Variants in NUDT1 observed in about 807,000 individuals in gnomAD.
NUDT1 encodes oxidized purine nucleoside triphosphate hydrolase.
Under a neutral mutation model 11.3 loss-of-function variants are expected in NUDT1, and 16 were observed. That is an observed-to-expected ratio of 1.41 (90% confidence interval 0.96 to 2.15). The LOEUF is 2.15. Ranked by LOEUF, NUDT1 falls within the 30% of genes most tolerant of loss-of-function variation. NUDT1 has a pLI of 0.00. For synonymous variants in NUDT1, 101 were observed against 84.4 expected, an observed-to-expected ratio of 1.20 and a Z score of -1.08; for missense variants, 234 against 208.4, an observed-to-expected ratio of 1.12 and a Z score of -0.76.
chr7:2,244,781 C>G (rs34185397), intron 2 of NUDT1, 55 bp downstream of exon 2: 307,202 of 1,566,634 alleles, frequency 0.2, 31,978 homozygotes, highest in Middle Eastern at 0.29. Context: ...CACAGGGATT[C>G]GGGCTGTAGG....
intron 1 of NUDT1, among the ~76,000 whole-genome samples, chr7:2,243,987 T>A (rs1263891358): frequency 6.6e-6 from 1 of 151,836 alleles, no homozygotes; most frequent in Non-Finnish European, 1.5e-5. Context: ...GGGTATAAAC[T>A]CCTATCACAG....
chr7:2,250,802 G>T, intron 3 of NUDT1, 27 bp from the exon 4 acceptor site: 1 of 1,613,920 alleles, frequency 6.2e-7, no homozygotes, highest in Non-Finnish European at 8.5e-7. Flanking sequence ...TTGCACCTCA[G>T]TGCCTCCTCT....
intron 2 of NUDT1, among the ~76,000 whole-genome samples, chr7:2,245,694 G>A (rs189559982): frequency 8.1e-4 from 123 of 152,232 alleles, no homozygotes; most frequent in African/African-American, 2.8e-3. Flanking sequence ...GAACAGCTGG[G>A]ACCACAGGCA....
At chr7:2,243,241 G>A (rs755905603) in intron 1 of NUDT1, among the ~76,000 whole-genome samples, 1 of 152,172 alleles carries the variant, frequency 6.6e-6, no homozygotes, top group Non-Finnish European at 1.5e-5. Flanking sequence ...GGCACAGGAC[G>A]GGGACGTGGC....
chr7:2,249,599 C>T, intron 2 of NUDT1: 1 of 537,196 alleles, frequency 1.9e-6, no homozygotes, highest in Non-Finnish European at 3.4e-6. Context: ...GTTCCTCCCA[C>T]CAGAGGCTCC....
At position 2,250,890 on chromosome 7, in the gene NUDT1, C is replaced by A. The variant is rs377540407; in HGVS notation, c.360C>A (p.Asp120Glu). The A allele has an allele frequency of 6.8e-6, 11 of 1,614,216 alleles. No individual in the cohort carries two copies. The highest frequency in any genetic ancestry group is 8.5e-6 in the Non-Finnish European group (10 of 1,180,032). Residue 120 changes from aspartate (D) to glutamate (E), a missense_variant, in exon 4 of 4, where the codon GAC (aspartate) becomes GAA (glutamate). Transcript: ENST00000356714. The stretch of plus-strand genomic sequence containing the variant: ...CCTTCAAGGACATGTGGCCCGACGA[C>A]AGCTACTGGTTTCCACTCCTGCTTC... ...QIPFKDMWPD[D>E]SYWFPLLLQK...
chr7:2,248,893 A>T (rs1000588860), intron 2 of NUDT1, among the ~76,000 whole-genome samples: 11 of 152,204 alleles, frequency 7.2e-5, no homozygotes, highest in Non-Finnish European at 1.6e-4. Context: ...TAAGCTATTA[A>T]GGGTTAATGT....
Position 2,244,590 on chromosome 7 carries a change from C to A in NUDT1, c.16C>A (p.Leu6Ile), listed in dbSNP as rs116730877. The change falls in exon 2 of 4, where the codon CTC becomes ATC. Residue 6 changes from leucine (L) to isoleucine (I), a missense_variant. Transcript: ENST00000356714. ...CCCAGGGACCATGGGCGCCTCCAGG[C>A]TCTATACCCTGGTGCTGGTCCTGCA... MGASR[L>I]YTLVLVLQPQ... The A allele has an allele frequency of 6.2e-7, 1 of 1,605,854 alleles. No individual in the cohort carries two copies. Among genetic ancestry groups the A allele is most frequent in the Middle Eastern group, 1.7e-4 (1 of 6,012 alleles).
chr7:2,244,301 G>C (rs865822240), intron 1 of NUDT1, among the ~76,000 whole-genome samples: 1 of 152,112 alleles, frequency 6.6e-6, no homozygotes, highest in Admixed American at 6.5e-5. Context: ...CTGACTTGTG[G>C]AGAAGGAAGG....
Position 2,251,128 on chromosome 7 carries a change from T to A in NUDT1, c.*127T>A. 1 of 872,176 alleles carries A rather than the reference T, an allele frequency of 1.1e-6. No individual in the cohort carries two copies. The allele number at this position is 872,176 out of a possible 1,614,324, so 54.0% of individuals were successfully genotyped here. On this transcript the variant is annotated 3_prime_UTR_variant, in exon 4 of 4. Transcript: ENST00000356714. Reference sequence around the variant, plus strand: ...GGAATTAACTGGATGGAAGGGAAAATAAAGCTATCTAGCGGTGGTTTTTTT... The same window carrying A: ...GGAATTAACTGGATGGAAGGGAAAAAAAAGCTATCTAGCGGTGGTTTTTTT...
chr7:2,249,548 G>A (rs1794896506), intron 2 of NUDT1: 1 of 445,778 alleles, frequency 2.2e-6, no homozygotes, highest in Admixed American at 3.5e-5. Context: ...CACTGGGCCT[G>A]GGCTGTCACT....
chr7:2,242,308 A>G (rs1458407614), intron 1 of NUDT1, 52 bp downstream of exon 1: 3 of 790,972 alleles, frequency 3.8e-6, no homozygotes, highest in Non-Finnish European at 5.7e-6. Flanking sequence ...CAGGGAGGGG[A>G]GCCGGGCCAG....
intron 1 of NUDT1, 98 bp from the exon 2 acceptor site, chr7:2,244,465 C>A: frequency 1.0e-6 from 1 of 988,014 alleles, no homozygotes; most frequent in East Asian, 3.0e-5. Flanking sequence ...CCCCCGCCCC[C>A]CACTGCCTCC....
At chr7:2,250,798 C>T (rs10230928) in intron 3 of NUDT1, 31 bp from the exon 4 acceptor site, 519,044 of 1,613,348 alleles carry the variant, frequency 0.32, 85,619 homozygotes, top group African/African-American at 0.38. Flanking sequence ...TGGGTTGCAC[C>T]TCAGTGCCTC....
chr7:2,243,041 G>A (rs1229701604), intron 1 of NUDT1: 2 of 716,924 alleles, frequency 2.8e-6, no homozygotes, highest in Admixed American at 2.0e-5. Flanking sequence ...GGCAGTTGGA[G>A]TGGGAAGGTG....
intron 2 of NUDT1, among the ~76,000 whole-genome samples, chr7:2,247,436 G>A (rs1309603928): frequency 1.3e-5 from 2 of 152,174 alleles, no homozygotes; most frequent in Non-Finnish European, 2.9e-5. Flanking sequence ...GTGGGGGTGT[G>A]CAGATTTGGG....
In NUDT1 at chr7:2,243,107, G is replaced by A. The variant is rs147814695; in HGVS notation, c.-13+851G>A. ...CCTGGGCTCTCCTCTGACCGCCCCTGCCAAACTCATGGTTCCATCAGTTGA... is the reference window on the plus strand; with the variant it reads ...CCTGGGCTCTCCTCTGACCGCCCCTACCAAACTCATGGTTCCATCAGTTGA... On this transcript the variant is annotated intron_variant, in intron 1 of 3. Transcript: ENST00000356714. 178 of 681,254 alleles carry A rather than the reference G, an allele frequency of 2.6e-4. No individual in the cohort carries two copies. The African/African-American group carries it at 2.7e-3, about 10-fold the overall frequency. 42.2% of individuals were successfully genotyped at this position (681,254 alleles called of 1,614,324 possible). A position where few individuals can be genotyped will look rare whatever the true frequency, so the allele number is the denominator to read the frequency against.
intron 2 of NUDT1, chr7:2,249,556 A>G (rs1465462723): frequency 4.4e-6 from 2 of 457,520 alleles, no homozygotes; most frequent in Non-Finnish European, 4.1e-6. Context: ...CTGGGCTGTC[A>G]CTGGTACACA....
intron 2 of NUDT1, among the ~76,000 whole-genome samples, chr7:2,247,808 A>G (rs1794829130): frequency 6.6e-6 from 1 of 152,182 alleles, no homozygotes; most frequent in South Asian, 2.1e-4. Context: ...ATTAACTAAA[A>G]TCAGTCACAA....
Sources: allele counts gnomAD v4.1 joint callset (sites outside exome capture counted in the v4.1 genomes callset), GRCh38; gene constraint gnomAD v4.1.1; transcripts MANE v1.5; gene names NCBI Gene and HGNC (gene_info 2026-07-23, HGNC 2026-07-21).